ARHGAP15: variants seen among roughly 807,000 people sequenced by gnomAD.
ARHGAP15 encodes Rho GTPase activating protein 15, also known as rho GTPase-activating protein 15.
Under a neutral mutation model 63.7 loss-of-function variants are expected in ARHGAP15, and 51 were observed. That is an observed-to-expected ratio of 0.80 (90% CI 0.64 to 1.01). ARHGAP15 has a LOEUF of 1.01. Ranked by LOEUF, ARHGAP15 falls within the 50% of genes least tolerant of loss-of-function variation. The pLI, the probability that ARHGAP15 is intolerant of heterozygous loss-of-function variation, is 0.00. For missense variants in ARHGAP15, 560 were observed against 564.6 expected (o/e 0.99, Z 0.08); for synonymous variants, 191 against 193.8 (o/e 0.99, Z 0.12).
At chr2:143,574,395 G>A (rs2105128311) in intron 11 of ARHGAP15, among the ~76,000 whole-genome samples, 1 of 152,192 alleles carries the variant, frequency 6.6e-6, no homozygotes, top group South Asian at 2.1e-4. Flanking sequence ...GAATGTTAGA[G>A]TGCCTTGTTT....
intron 9 of ARHGAP15, among the ~76,000 whole-genome samples, chr2:143,510,986 C>T (rs1350974928): frequency 2.0e-5 from 3 of 152,186 alleles, no homozygotes; most frequent in African/African-American, 7.2e-5. Context: ...AGCAGTTGTC[C>T]TCATAGTTTT....
At chr2:143,497,151 C>A (rs973412599) in intron 9 of ARHGAP15, among the ~76,000 whole-genome samples, 1 of 152,186 alleles carries the variant, frequency 6.6e-6, no homozygotes, top group African/African-American at 2.4e-5. Context: ...ATACTCTGTG[C>A]TCTAACTCAA....
chr2:143,565,633 G>A (rs1439266049), intron 11 of ARHGAP15, among the ~76,000 whole-genome samples: 3 of 152,092 alleles, frequency 2.0e-5, no homozygotes, highest in African/African-American at 7.2e-5. Context: ...CTGGATAAAA[G>A]AAATGAATAG....
At chr2:143,239,380 T>C (rs1001140448) in intron 5 of ARHGAP15, among the ~76,000 whole-genome samples, 3 of 152,202 alleles carry the variant, frequency 2.0e-5, no homozygotes, top group African/African-American at 4.8e-5. Flanking sequence ...TGCTGTACAA[T>C]GGATCTCTAG....
At chr2:143,650,684 A>C (rs1276932449) in intron 12 of ARHGAP15, among the ~76,000 whole-genome samples, 1 of 151,962 alleles carries the variant, frequency 6.6e-6, no homozygotes, top group Non-Finnish European at 1.5e-5. Context: ...CCTGATTGTC[A>C]ATACAATTCA....
rs553163495 is a variant in ARHGAP15, at chr2:143,484,363, C to T, written c.704-3010C>T. Among the ~76,000 whole-genome samples, 17 of 63,520 alleles carry T rather than the reference C, an allele frequency of 2.7e-4. 1 individual carries two copies. Among genetic ancestry groups the T allele is most frequent in the Admixed American group, 9.1e-4 (4 of 4,392 alleles). The allele number at this position is 63,520 out of a possible 152,430, so 41.7% of individuals were successfully genotyped here. A position where few individuals can be genotyped will look rare whatever the true frequency, so the allele number is the denominator to read the frequency against. On this transcript the variant is annotated intron_variant, in intron 8 of 13. Transcript: ENST00000295095. ...CGTGGGCAACAGAGAGAGACTCCATCTCAAAAAAAAAAAAAAAAATTAGCC... is the reference window on the plus strand; with the variant it reads ...CGTGGGCAACAGAGAGAGACTCCATTTCAAAAAAAAAAAAAAAAATTAGCC...
intron 13 of ARHGAP15, among the ~76,000 whole-genome samples, chr2:143,762,333 G>A (rs954039656): frequency 6.6e-6 from 1 of 152,070 alleles, no homozygotes; most frequent in South Asian, 2.1e-4. Flanking sequence ...TTTGCCTTTT[G>A]GCCTTTGTTT....
At chr2:143,421,904 G>A (rs1558960542) in intron 6 of ARHGAP15, among the ~76,000 whole-genome samples, 4 of 151,324 alleles carry the variant, frequency 2.6e-5, no homozygotes, top group African/African-American at 9.7e-5. Context: ...AGAAAGGGGG[G>A]GAGAGAGAGC....
chr2:143,493,916 T>C (rs1455399428), intron 9 of ARHGAP15, among the ~76,000 whole-genome samples: 3 of 152,342 alleles, frequency 2.0e-5, no homozygotes, highest in Non-Finnish European at 2.9e-5. Context: ...TTCCATTGCC[T>C]GTCCAACACT....
intron 6 of ARHGAP15, among the ~76,000 whole-genome samples, chr2:143,397,340 GTGTGTGTATA>G (rs1457201130): frequency 6.7e-6 from 1 of 148,642 alleles, no homozygotes; most frequent in Non-Finnish European, 1.5e-5. Flanking sequence ...GTGTGTGTGT[GTGTGTGTATA>G]TATATATCTC....
intron 6 of ARHGAP15, among the ~76,000 whole-genome samples, chr2:143,396,018 A>G (rs1687740846): frequency 6.6e-6 from 1 of 152,082 alleles, no homozygotes; most frequent in African/African-American, 2.4e-5. Context: ...CCCAGGAAAC[A>G]CAAGTACTTC....
At chr2:143,360,135 T>G (rs564630300) in intron 6 of ARHGAP15, among the ~76,000 whole-genome samples, 1 of 151,788 alleles carries the variant, frequency 6.6e-6, no homozygotes, top group Non-Finnish European at 1.5e-5. Flanking sequence ...TCCCAGAACT[T>G]TGGGAGACCA....
intron 5 of ARHGAP15, among the ~76,000 whole-genome samples, chr2:143,232,737 A>G (rs1693495977): frequency 6.6e-6 from 1 of 152,070 alleles, no homozygotes; most frequent in Non-Finnish European, 1.5e-5. Context: ...TCATTATTTC[A>G]TTGCCTTTCA....
intron 6 of ARHGAP15, among the ~76,000 whole-genome samples, chr2:143,410,013 T>A (rs1688377461): frequency 6.6e-6 from 1 of 152,178 alleles, no homozygotes; most frequent in South Asian, 2.1e-4. Flanking sequence ...TTTTATAGTT[T>A]TTGAATGTAA....
chr2:143,151,986 C>G (rs1418107743), intron 1 of ARHGAP15, among the ~76,000 whole-genome samples: 1 of 151,926 alleles, frequency 6.6e-6, no homozygotes, highest in Admixed American at 6.6e-5. Flanking sequence ...CAGCAGGGCT[C>G]TGCTTCCCTC....
At chr2:143,331,716 G>A (rs78440036) in intron 6 of ARHGAP15, among the ~76,000 whole-genome samples, 2,450 of 152,196 alleles carry the variant, frequency 0.016, 78 homozygotes, top group African/African-American at 0.055. Context: ...ATTGAAACAT[G>A]TAGCTACTTT....
intron 6 of ARHGAP15, among the ~76,000 whole-genome samples, chr2:143,421,788 ATATATATATATATG>A (rs1159853255): frequency 0.1 from 881 of 8,638 alleles, 15 homozygotes; most frequent in Middle Eastern, 0.44. Flanking sequence ...ATATATATAT[ATATATATATATATG>A]TGTGTGTTTC....
chr2:143,383,826 A>G (rs1687157730), intron 6 of ARHGAP15, among the ~76,000 whole-genome samples: 1 of 152,210 alleles, frequency 6.6e-6, no homozygotes, highest in Admixed American at 6.5e-5. Context: ...TACGCAGTGA[A>G]ATACTAAACA....
At chr2:143,667,060 C>T in intron 12 of ARHGAP15, among the ~76,000 whole-genome samples, 1 of 150,384 alleles carries the variant, frequency 6.6e-6, no homozygotes, top group Admixed American at 6.6e-5. Context: ...CCCAGCCATC[C>T]CATTACTGGG....
Sources: allele counts gnomAD v4.1 joint callset (sites outside exome capture counted in the v4.1 genomes callset), GRCh38; gene constraint gnomAD v4.1.1; transcripts MANE v1.5; gene names NCBI Gene and HGNC (gene_info 2026-07-23, HGNC 2026-07-21).